Variants in TIPIN observed in about 807,000 individuals in gnomAD.
The protein encoded by TIPIN is TIMELESS-interacting protein.
TIPIN carries 29 observed loss-of-function variants against 35.6 expected under a neutral mutation model. That is an observed-to-expected ratio of 0.82 (90% confidence interval 0.61 to 1.11). TIPIN has a LOEUF of 1.11. Ranked by LOEUF, TIPIN falls within the 50% of genes most tolerant of loss-of-function variation. TIPIN has a pLI of 0.00. For missense variants in TIPIN, 296 were observed against 345.4 expected, an observed-to-expected ratio of 0.86 and a Z score of 1.13; for synonymous variants, 102 against 121.5, an observed-to-expected ratio of 0.84 and a Z score of 1.06.
intron 1 of TIPIN, among the ~76,000 whole-genome samples, chr15:66,385,568 C>T (rs1358029717): frequency 6.6e-6 from 1 of 151,898 alleles, no homozygotes; most frequent in Non-Finnish European, 1.5e-5. Flanking sequence ...TGGATCACTG[C>T]AACCTCCGCC....
rs1188163590 is a variant in TIPIN at position 66,349,143 on chromosome 15, ATTTATTT to A, written c.412-27_412-21del. The A allele has an allele frequency of 1.9e-6, 3 of 1,607,842 alleles. No homozygotes were observed. The Admixed American group carries it at 5.0e-5, about 27-fold the overall frequency. The stretch of plus-strand genomic sequence containing the variant: ...ACAGGTCTGAAAATGAAAAGAGATT[ATTTATTT>A]TTACCTCTTTACCAATCATGTTGGG... On this transcript the variant is annotated intron_variant, in intron 5 of 7. Coordinates refer to ENST00000261881, the MANE Select transcript of TIPIN (RefSeq NM_017858.3).
At chr15:66,342,772 CT>C (rs2093097844) in intron 6 of TIPIN, among the ~76,000 whole-genome samples, 1 of 152,144 alleles carries the variant, frequency 6.6e-6, no homozygotes, top group South Asian at 2.1e-4. Context: ...AAATTAATTT[CT>C]TTTTAAATTC....
chr15:66,377,148 C>T (rs2093300089), intron 1 of TIPIN, among the ~76,000 whole-genome samples: 1 of 151,472 alleles, frequency 6.6e-6, no homozygotes, highest in Non-Finnish European at 1.5e-5. Context: ...AATTATACTC[C>T]CAGCAATAGT....
chr15:66,356,829 C>A, upstream of TIPIN: 1 of 626,158 alleles, frequency 1.6e-6, no homozygotes, highest in Non-Finnish European at 2.0e-6. Flanking sequence ...GCCTTCGGTC[C>A]CACAATTTCC....
chr15:66,371,293 A>G, intron 1 of TIPIN: 1 of 984,620 alleles, frequency 1.0e-6, no homozygotes, highest in Non-Finnish European at 1.2e-6. Context: ...CTAATAAGGT[A>G]GTATTTGTTA....
At chr15:66,365,545 T>C (rs1566982524) in intron 1 of TIPIN, among the ~76,000 whole-genome samples, 1 of 151,674 alleles carries the variant, frequency 6.6e-6, no homozygotes, top group East Asian at 1.9e-4. Flanking sequence ...CTGCATATTG[T>C]TTTTTTTGTT....
intron 1 of TIPIN, among the ~76,000 whole-genome samples, chr15:66,363,579 T>C (rs1368805938): frequency 2.7e-5 from 4 of 150,316 alleles, no homozygotes; most frequent in Non-Finnish European, 5.9e-5. Context: ...GAGGCGGAGA[T>C]TGCAGTGAGC....
intron 7 of TIPIN, among the ~76,000 whole-genome samples, chr15:66,340,035 G>A (rs867689240): frequency 3.7e-4 from 55 of 149,544 alleles, no homozygotes; most frequent in African/African-American, 1.3e-3. Context: ...CACCATGCCC[G>A]GCAAATTTTT....
In TIPIN at chr15:66,375,026, G is replaced by T. The variant is rs981483205; in HGVS notation, c.-9+11581C>A. ...GTGTCTGGCTTTGCCCATTTTTTTT[G>T]GTTTTTTAATTGGATTGTCTATCTC... On this transcript the variant is annotated intron_variant, in intron 1 of 7. Transcript: ENST00000562124. Among the ~76,000 whole-genome samples the T allele has an allele frequency of 2.6e-5, 4 of 151,834 alleles. No homozygotes were observed. The East Asian group carries it at 7.7e-4, about 29-fold the overall frequency.
intron 1 of TIPIN, among the ~76,000 whole-genome samples, chr15:66,356,356 G>A (rs1045402844): frequency 1.3e-5 from 2 of 152,042 alleles, no homozygotes; most frequent in Admixed American, 6.6e-5. Flanking sequence ...GACACGCCCC[G>A]GACAGAAGCC....
intron 1 of TIPIN, chr15:66,379,424 G>A: frequency 5.0e-6 from 8 of 1,603,550 alleles, no homozygotes; most frequent in Non-Finnish European, 5.9e-6. Flanking sequence ...AAACTGTTGT[G>A]GCTTGCTGAA....
intron 1 of TIPIN, among the ~76,000 whole-genome samples, chr15:66,362,523 C>A (rs1251216411): frequency 1.3e-5 from 2 of 151,924 alleles, no homozygotes; most frequent in East Asian, 1.9e-4. Context: ...GAGTTCGAGA[C>A]CAGCCTGGCC....
chr15:66,378,859 C>G (rs527542745), intron 1 of TIPIN, among the ~76,000 whole-genome samples: 1 of 152,174 alleles, frequency 6.6e-6, no homozygotes, highest in East Asian at 1.9e-4. Context: ...ACCTCAGCCT[C>G]TCAAGTAGCT....
chr15:66,342,537 T>C (rs1051239153), intron 6 of TIPIN, among the ~76,000 whole-genome samples: 3 of 152,008 alleles, frequency 2.0e-5, no homozygotes, highest in African/African-American at 4.8e-5. Flanking sequence ...CTAATTTTTG[T>C]ATTTTTAGTA....
intron 1 of TIPIN, among the ~76,000 whole-genome samples, chr15:66,364,977 A>AAAAAAAAAAAG (rs1186702159): frequency 2.7e-5 from 4 of 147,410 alleles, no homozygotes; most frequent in Non-Finnish European, 4.5e-5. Flanking sequence ...AAAAAAAAAG[A>AAAAAAAAAAAG]AAAAGAAAAA....
intron 1 of TIPIN, 83 bp downstream of exon 1, chr15:66,356,556 C>T (rs1350068249): frequency 5.2e-6 from 5 of 959,024 alleles, no homozygotes; most frequent in Non-Finnish European, 6.2e-6. Context: ...TGTCTGGCTC[C>T]CTGGCTCTTC....
chr15:66,366,136 A>G (rs992384671), intron 1 of TIPIN, among the ~76,000 whole-genome samples: 4 of 150,416 alleles, frequency 2.7e-5, no homozygotes, highest in Non-Finnish European at 4.4e-5. Context: ...CCAATTTAGG[A>G]GAGTTAGAGT....
intron 1 of TIPIN, chr15:66,379,257 TA>T: frequency 6.7e-7 from 1 of 1,481,482 alleles, no homozygotes; most frequent in East Asian, 2.5e-5. Context: ...ACAGGTCTTT[TA>T]TTACATCATT....
At chr15:66,347,433 C>T in intron 6 of TIPIN, 1 of 388,016 alleles carries the variant, frequency 2.6e-6, no homozygotes. Context: ...TTTCCCAGTA[C>T]CACTTTATCC....
Sources: gnomAD v4.1 joint callset for allele counts (sites outside exome capture counted in the v4.1 genomes callset) on GRCh38, gnomAD v4.1.1 for gene constraint, MANE v1.5 for transcripts, NCBI Gene and HGNC (gene_info 2026-07-23, HGNC 2026-07-21) for gene names.